Variants in ADAMTSL1 observed in about 807,000 individuals in gnomAD.
The protein encoded by ADAMTSL1 is ADAMTS-like protein 1.
A neutral mutation model predicts 201.8 loss-of-function variants in ADAMTSL1; 126 were observed. That is an observed-to-expected ratio of 0.62 (90% CI 0.54 to 0.72). The LOEUF (loss-of-function observed/expected upper bound fraction) is 0.72, where lower values mean the gene tolerates loss of function less well. ADAMTSL1 is among the 30% of genes least tolerant of loss of function. The probability of loss-of-function intolerance (pLI) is 0.00; values close to 1 mark genes in which losing one functional copy is unlikely to be tolerated. For missense variants in ADAMTSL1, 2,679 were observed against 2,277.8 expected, an observed-to-expected ratio of 1.18 and a Z score of -3.59; for synonymous variants, 1,121 against 903.4, an observed-to-expected ratio of 1.24 and a Z score of -4.32.
At chr9:18,402,482 C>T (rs1818022887) in intron 2 of ADAMTSL1, among the ~76,000 whole-genome samples, 1 of 152,162 alleles carries the variant, frequency 6.6e-6, no homozygotes, top group Non-Finnish European at 1.5e-5. Context: ...TCAGTTACTA[C>T]CTAAATCATT....
chr9:18,412,850 A>G (rs773515132), intron 2 of ADAMTSL1, among the ~76,000 whole-genome samples: 8 of 152,162 alleles, frequency 5.3e-5, no homozygotes, highest in Non-Finnish European at 1.0e-4. Context: ...TGCCTTTATC[A>G]GATATAGAGT....
intron 1 of ADAMTSL1, among the ~76,000 whole-genome samples, chr9:18,063,154 G>A (rs1822536236): frequency 6.6e-6 from 1 of 152,064 alleles, no homozygotes; most frequent in African/African-American, 2.4e-5. Flanking sequence ...AGGAGTTCAA[G>A]ACATAGTAAG....
intron 1 of ADAMTSL1, among the ~76,000 whole-genome samples, chr9:18,110,849 A>AT (rs1824976098): frequency 6.6e-6 from 1 of 152,184 alleles, no homozygotes; most frequent in Admixed American, 6.6e-5. Context: ...GATATGAAGA[A>AT]TAAGAGTCAA....
At position 18,829,929 on chromosome 9, in the gene ADAMTSL1, C is replaced by G. The variant is rs1056844674; in HGVS notation, c.4201C>G (p.Pro1401Ala). The change falls in exon 23 of 29, where the codon CCT (proline) becomes GCT (alanine). Residue 1401 changes from proline (P) to alanine (A), a missense_variant. Physicochemically the swap from Pro to Ala is conservative, Grantham distance 27 (BLOSUM62 -1). Transcript: ENST00000380548. ...GAACCTTCCTTCAGTGCTGACGTCT[C>G]CTCTGGGAACACAGCTGGTCCTGGA... ...GPNLPSVLTSPLGTQLVLDPG... is the reference protein window; with the variant it reads ...GPNLPSVLTSALGTQLVLDPG... 7 of 1,613,734 alleles carry G rather than the reference C, an allele frequency of 4.3e-6. No individual in the cohort carries two copies. The African/African-American group carries it at 8.0e-5, about 18-fold the overall frequency.
chr9:18,603,914 G>A (rs2132554924), intron 4 of ADAMTSL1, among the ~76,000 whole-genome samples: 1 of 152,296 alleles, frequency 6.6e-6, no homozygotes, highest in South Asian at 2.1e-4. Context: ...ACAGTACAGA[G>A]ACAAAAGATC....
chr9:18,749,020 G>A (rs532926743), intron 15 of ADAMTSL1, among the ~76,000 whole-genome samples: 4 of 152,076 alleles, frequency 2.6e-5, no homozygotes, highest in Admixed American at 6.6e-5. Context: ...CTCTGTCGTC[G>A]CATGGCATTT....
chr9:18,026,206 C>G (rs1268912763), intron 1 of ADAMTSL1, among the ~76,000 whole-genome samples: 1 of 151,966 alleles, frequency 6.6e-6, no homozygotes, highest in Non-Finnish European at 1.5e-5. Context: ...ATTTCTTTCT[C>G]TTGCCTCATT....
At position 18,272,558 on chromosome 9, in the gene ADAMTSL1, A is replaced by G. The variant is rs977448878; in HGVS notation, c.207+108577A>G. Among the ~76,000 whole-genome samples, 12 of 152,386 alleles carry G rather than the reference A, an allele frequency of 7.9e-5. 1 individual carries two copies. The highest frequency in any genetic ancestry group is 7.8e-4 in the Admixed American group (12 of 15,308). ...GGACATAGGCATGGGCAATGAAATC[A>G]GATCTTTTTCCTATTCTCTGTTTTT... On this transcript the variant is annotated intron_variant, in intron 2 of 29. Coordinates refer to the ADAMTSL1 transcript ENST00000680146.
chr9:18,104,498 C>A (rs184900656), intron 1 of ADAMTSL1, among the ~76,000 whole-genome samples: 9 of 152,246 alleles, frequency 5.9e-5, no homozygotes, highest in Admixed American at 5.2e-4. Flanking sequence ...CCATAACCTG[C>A]AGGTGGCCAC....
chr9:18,573,578 C>T (rs1045152217), intron 3 of ADAMTSL1, among the ~76,000 whole-genome samples: 2 of 152,108 alleles, frequency 1.3e-5, no homozygotes, highest in South Asian at 4.1e-4. Flanking sequence ...ATTTTTATAA[C>T]TTTTTACTGC....
chr9:18,322,188 C>A (rs1373679701), intron 2 of ADAMTSL1, among the ~76,000 whole-genome samples: 1 of 151,678 alleles, frequency 6.6e-6, no homozygotes, highest in Non-Finnish European at 1.5e-5. Context: ...AGCTGAGTTG[C>A]CCCTTTAAGA....
chr9:18,048,826 G>A (rs1821789059), intron 1 of ADAMTSL1, among the ~76,000 whole-genome samples: 1 of 152,106 alleles, frequency 6.6e-6, no homozygotes, highest in Admixed American at 6.5e-5. Context: ...CATCCCATAT[G>A]TCTATTACTC....
At chr9:18,190,158 A>T (rs764726336) in intron 2 of ADAMTSL1, among the ~76,000 whole-genome samples, 1 of 152,238 alleles carries the variant, frequency 6.6e-6, no homozygotes, top group Non-Finnish European at 1.5e-5. Flanking sequence ...AGTGTAGCAT[A>T]GTCCTCCAAC....
At chr9:18,358,590 C>T (rs1363542677) in intron 2 of ADAMTSL1, among the ~76,000 whole-genome samples, 1 of 152,066 alleles carries the variant, frequency 6.6e-6, no homozygotes, top group African/African-American at 2.4e-5. Context: ...ATGAGTCTGC[C>T]CATTCTAGAC....
intron 3 of ADAMTSL1, among the ~76,000 whole-genome samples, chr9:18,568,855 T>C (rs1026546867): frequency 1.3e-5 from 2 of 152,002 alleles, no homozygotes; most frequent in Non-Finnish European, 2.9e-5. Flanking sequence ...ACTCATATAA[T>C]AGGTTAAATG....
At chr9:18,316,217 G>A (rs1289100957) in intron 2 of ADAMTSL1, among the ~76,000 whole-genome samples, 1 of 152,144 alleles carries the variant, frequency 6.6e-6, no homozygotes, top group African/African-American at 2.4e-5. Context: ...CAGGACCACA[G>A]GACCGGGGCG....
At chr9:18,562,787 T>C (rs1347962687) in intron 3 of ADAMTSL1, among the ~76,000 whole-genome samples, 1 of 152,246 alleles carries the variant, frequency 6.6e-6, no homozygotes, top group Non-Finnish European at 1.5e-5. Flanking sequence ...TTTGATATCC[T>C]TTATTCCACT....
chr9:18,616,856 G>C (rs1825730320), intron 4 of ADAMTSL1, among the ~76,000 whole-genome samples: 1 of 152,100 alleles, frequency 6.6e-6, no homozygotes. Context: ...TTAAGCATAA[G>C]CAAATTAATG....
At chr9:18,629,313 T>C (rs368658494) in intron 5 of ADAMTSL1, among the ~76,000 whole-genome samples, 1 of 152,178 alleles carries the variant, frequency 6.6e-6, no homozygotes, top group Admixed American at 6.6e-5. Context: ...TGGAGGTCCT[T>C]ATCTTATTCC....
Sources: allele counts gnomAD v4.1 joint callset (sites outside exome capture counted in the v4.1 genomes callset), GRCh38; gene constraint gnomAD v4.1.1; transcripts MANE v1.5; gene names NCBI Gene and HGNC (gene_info 2026-07-23, HGNC 2026-07-21).